IGSF23: variants seen among roughly 807,000 people sequenced by gnomAD.
The protein encoded by IGSF23 is immunoglobulin superfamily member 23, also known as immunoglobulin superfamily, member 23.
Under a neutral mutation model 17.8 loss-of-function variants are expected in IGSF23, and 14 were observed. The ratio of observed to expected loss-of-function variants is 0.79; its 90% CI spans 0.52 to 1.23. The LOEUF (loss-of-function observed/expected upper bound fraction) is 1.23, where lower values mean the gene tolerates loss of function less well. IGSF23 is among the 50% of genes most tolerant of loss of function. IGSF23 has a pLI of 0.00. For missense variants in IGSF23, 214 were observed against 241.7 expected, an observed-to-expected ratio of 0.89 and a Z score of 0.76; for synonymous variants, 85 against 92.5, an observed-to-expected ratio of 0.92 and a Z score of 0.46.
intron 3 of IGSF23, among the ~76,000 whole-genome samples, chr19:44,631,351 G>A (rs1230406782): frequency 6.6e-6 from 1 of 152,188 alleles, no homozygotes; most frequent in Non-Finnish European, 1.5e-5. Flanking sequence ...ACTTTGGGAG[G>A]CCGAGGCAGG....
At chr19:44,621,161 T>C (rs1972510327) in intron 1 of IGSF23, among the ~76,000 whole-genome samples, 2 of 151,050 alleles carry the variant, frequency 1.3e-5, no homozygotes, top group African/African-American at 4.9e-5. Flanking sequence ...TGTGCGCCCA[T>C]AGTCCCAGCT....
intron 1 of IGSF23, among the ~76,000 whole-genome samples, chr19:44,615,370 T>C (rs918331551): frequency 2.0e-5 from 3 of 151,592 alleles, no homozygotes; most frequent in African/African-American, 7.3e-5. Context: ...AGTGCTGTAA[T>C]CCCAGCACTT....
intron 3 of IGSF23, among the ~76,000 whole-genome samples, chr19:44,633,040 A>T (rs1238548147): frequency 6.6e-6 from 1 of 152,246 alleles, no homozygotes. Context: ...GGGCGTCTGG[A>T]AAACTTTACC....
At chr19:44,615,740 G>C (rs1029724393) in intron 1 of IGSF23, among the ~76,000 whole-genome samples, 1 of 152,008 alleles carries the variant, frequency 6.6e-6, no homozygotes, top group Non-Finnish European at 1.5e-5. Flanking sequence ...GGAGGAAAGG[G>C]ACGTGGTGGG....
intron 1 of IGSF23, 64 bp downstream of exon 1, chr19:44,613,834 G>A: frequency 1.9e-6 from 3 of 1,547,864 alleles, no homozygotes; most frequent in African/African-American, 2.7e-5. Flanking sequence ...CCTGCAGGGT[G>A]AGGCCGGGGC....
intron 1 of IGSF23, among the ~76,000 whole-genome samples, chr19:44,620,053 G>T (rs10414111): frequency 6.6e-6 from 1 of 152,128 alleles, no homozygotes; most frequent in Non-Finnish European, 1.5e-5. Flanking sequence ...GGCAGATCAC[G>T]AGTTCAGGAG....
At chr19:44,613,892 A>T (rs1274404665) in intron 1 of IGSF23, 122 bp downstream of exon 1, 1 of 1,548,872 alleles carries the variant, frequency 6.5e-7, no homozygotes, top group East Asian at 2.4e-5. Flanking sequence ...TGTGATGAGG[A>T]GACCTTCTCT....
In IGSF23 at chr19:44,636,399, TTCTCTG is replaced by T. The variant is rs1399594012; in HGVS notation, c.*32-14_*32-9del. The T allele has an allele frequency of 6.6e-6, 1 of 151,904 alleles. No homozygotes were observed. Among genetic ancestry groups the T allele is most frequent in the African/African-American group, 2.4e-5 (1 of 41,278 alleles). The allele number at this position is 151,904 out of a possible 1,614,324, so 9.4% of individuals were successfully genotyped here. A position where few individuals can be genotyped will look rare whatever the true frequency, so the allele number is the denominator to read the frequency against. Reference sequence around the variant, plus strand: ...TTCCTCCTGCATGTGGAATTTACAGTTCTCTGTCTCTCTCTGCAGATGGGTGCTTTG... The same window carrying T: ...TTCCTCCTGCATGTGGAATTTACAGTTCTCTCTCTGCAGATGGGTGCTTTG... On this transcript the variant is annotated splice_polypyrimidine_tract_variant and intron_variant, in intron 4 of 4. Transcript: ENST00000402988.
chr19:44,634,992 A>G (rs1182553678), intron 3 of IGSF23, among the ~76,000 whole-genome samples: 1 of 152,136 alleles, frequency 6.6e-6, no homozygotes, highest in Non-Finnish European at 1.5e-5. Flanking sequence ...CTGCTGTAAC[A>G]AAAATGCTAC....
chr19:44,635,293 G>A (rs1264653368), intron 3 of IGSF23, 108 bp from the exon 4 acceptor site: 2 of 850,064 alleles, frequency 2.4e-6, no homozygotes, highest in Non-Finnish European at 1.9e-6. Flanking sequence ...ACATTGGAGG[G>A]TTAGGACTAC....
chr19:44,635,773 A>C (rs1972876750), intron 4 of IGSF23, among the ~76,000 whole-genome samples: 1 of 152,246 alleles, frequency 6.6e-6, no homozygotes, highest in South Asian at 2.1e-4. Flanking sequence ...TGAACAGTTT[A>C]ATATAAGGAC....
intron 3 of IGSF23, among the ~76,000 whole-genome samples, chr19:44,634,204 T>C (rs963224938): frequency 1.3e-5 from 2 of 152,210 alleles, no homozygotes; most frequent in Admixed American, 1.3e-4. Flanking sequence ...CAGTTTGGAA[T>C]GGGGCCCAGG....
At chr19:44,631,325 T>C (rs12979820) in intron 3 of IGSF23, among the ~76,000 whole-genome samples, 34,710 of 150,868 alleles carry the variant, frequency 0.23, 4,201 homozygotes, top group East Asian at 0.47. Context: ...CAGTGGCTCA[T>C]GCCTGTAATC....
chr19:44,626,783 A>G (rs1250778011), intron 2 of IGSF23, among the ~76,000 whole-genome samples: 1 of 152,068 alleles, frequency 6.6e-6, no homozygotes. Context: ...TTAGCTGGGA[A>G]TGGTGGCATG....
chr19:44,621,711 G>A (rs1206331404), intron 1 of IGSF23, among the ~76,000 whole-genome samples: 1 of 152,112 alleles, frequency 6.6e-6, no homozygotes, highest in African/African-American at 2.4e-5. Flanking sequence ...CATGAGAAAT[G>A]CTTTTCACAT....
At chr19:44,620,692 G>A (rs1401085472) in intron 1 of IGSF23, 1 of 152,086 alleles carries the variant, frequency 6.6e-6, no homozygotes, top group Non-Finnish European at 1.5e-5. Flanking sequence ...CTAAAGGCCT[G>A]GCTCCACACC....
intron 1 of IGSF23, chr19:44,618,143 C>T (rs758805453): frequency 1.1e-5 from 5 of 471,014 alleles, no homozygotes; most frequent in Non-Finnish European, 2.2e-5. Context: ...AGCTGAACAC[C>T]TTGACCGAAG....
Position 44,613,738 on chromosome 19 carries a change from T to G in IGSF23, c.93T>G (p.Asp31Glu), listed in dbSNP as rs762062069. 1.3e-6 allele frequency: 2 copies of G among 1,550,488 alleles called. No individual in the cohort carries two copies. Among genetic ancestry groups the G allele is most frequent in the Non-Finnish European group, 1.7e-6 (2 of 1,146,968 alleles). The change falls in exon 1 of 5, where the codon GAT becomes GAG. Residue 31 changes from aspartate (D) to glutamate (E), a missense_variant. Transcript: ENST00000402988. Reference protein sequence around the residue: ...TTTTDPMLEKDAAGGDFPANL... With the variant: ...TTTTDPMLEKEAAGGDFPANL... The stretch of plus-strand genomic sequence containing the variant: ...CCACTGACCCGATGCTAGAGAAGGA[T>G]GCGGCTGGAGGTGACTTCCCAGCCA...
intron 3 of IGSF23, among the ~76,000 whole-genome samples, chr19:44,633,211 A>G (rs1972808183): frequency 6.6e-6 from 1 of 152,262 alleles, no homozygotes; most frequent in South Asian, 2.1e-4. Flanking sequence ...ATTAAAGGCC[A>G]GTTTTAAGTC....
Sources: allele counts gnomAD v4.1 joint callset (sites outside exome capture counted in the v4.1 genomes callset), GRCh38; gene constraint gnomAD v4.1.1; transcripts MANE v1.5; gene names NCBI Gene and HGNC (gene_info 2026-07-23, HGNC 2026-07-21).